The following CDH23 variants were observed in gnomAD, a reference collection of about 807,000 sequenced individuals.
CDH23 encodes the protein cadherin-23.
CDH23 carries 189 observed loss-of-function variants against 317.1 expected under a neutral mutation model. The ratio of observed to expected loss-of-function variants is 0.60; its 90% CI spans 0.53 to 0.67. The LOEUF (loss-of-function observed/expected upper bound fraction) is 0.67. CDH23 is among the 30% of genes least tolerant of loss of function. CDH23 has a pLI of 0.00. For missense variants in CDH23, 4,401 were observed against 4,592.4 expected (o/e 0.96, Z 1.20); for synonymous variants, 1,839 against 1,876.8 (o/e 0.98, Z 0.52).
intron 28 of CDH23, chr10:71,717,994 G>A (rs1459542214): frequency 2.0e-5 from 3 of 152,262 alleles, no homozygotes; most frequent in African/African-American, 7.2e-5. Context: ...AGGTCAGCAT[G>A]TGTGATATTT....
rs542998518 is a variant in CDH23, at chr10:71,807,509, C to T, written c.8309-7C>T. ...CCCCTCACCCTGTGCCATGATCCCA[C>T]CCTCAGCCGGCAACGAAGAGAAGAA... On this transcript the variant is annotated splice_region_variant and splice_polypyrimidine_tract_variant and intron_variant, in intron 58 of 69. Coordinates refer to ENST00000224721, the MANE Select transcript of CDH23 (RefSeq NM_022124.6). 9 of 1,613,574 alleles carry T rather than the reference C, an allele frequency of 5.6e-6. No individual in the cohort carries two copies. In the South Asian group the frequency reaches 9.9e-5, roughly 18 times the overall value.
At chr10:71,806,767 G>A (rs1475595196) in intron 57 of CDH23, among the ~76,000 whole-genome samples, 1 of 152,132 alleles carries the variant, frequency 6.6e-6, no homozygotes, top group Admixed American at 6.5e-5. Flanking sequence ...AGTAGAGACG[G>A]GTTTTTGCCA....
intron 46 of CDH23, chr10:71,790,773 C>T (rs1339856279): frequency 2.2e-6 from 1 of 461,618 alleles, no homozygotes; most frequent in Non-Finnish European, 4.0e-6. Flanking sequence ...CAGACCATGC[C>T]ACATCCGTCT....
chr10:71,556,265 A>G (rs1306817178), intron 6 of CDH23, among the ~76,000 whole-genome samples: 1 of 152,138 alleles, frequency 6.6e-6, no homozygotes, highest in Admixed American at 6.5e-5. Context: ...TGAGTGCTTT[A>G]AGGCAGGGAC....
rs779009042 is a variant in CDH23 at position 71,738,555 on chromosome 10, G to A, written c.4267G>A (p.Asp1423Asn). The change falls in exon 35 of 70, where the codon GAC (aspartate) becomes AAC (asparagine). Residue 1423 changes from aspartate to asparagine, a missense_variant. Around this residue, in one of 3 missense-constraint regions of CDH23, gnomAD observed 3,068 missense variants for 3,203.3 expected, o/e 0.96. Transcript: ENST00000224721. ...DNSPRFDFTSDSAVSIPEDCP... is the reference protein window; with the variant it reads ...DNSPRFDFTSNSAVSIPEDCP... ...CAGCCCCCGGTTTGACTTCACCTCC[G>A]ACTCGGCGGTCAGCATACCCGAGGA... 58 of 1,613,818 alleles carry A rather than the reference G, an allele frequency of 3.6e-5. No individual in the cohort carries two copies. The highest frequency in any genetic ancestry group is 1.8e-4 in the South Asian group (16 of 91,084).
chr10:71,443,911 C>T (rs1375730107), intron 2 of CDH23, among the ~76,000 whole-genome samples: 1 of 152,260 alleles, frequency 6.6e-6, no homozygotes, highest in Non-Finnish European at 1.5e-5. Flanking sequence ...ACCCACGTCC[C>T]GGAGTCTGCC....
At chr10:71,627,005 T>C (rs898381350) in intron 11 of CDH23, among the ~76,000 whole-genome samples, 15 of 152,196 alleles carry the variant, frequency 9.9e-5, no homozygotes, top group South Asian at 8.3e-4. Context: ...CCATCCTGGA[T>C]GTTCTTATTT....
At chr10:71,586,814 A>G (rs989380819) in intron 9 of CDH23, among the ~76,000 whole-genome samples, 2 of 152,234 alleles carry the variant, frequency 1.3e-5, no homozygotes, top group African/African-American at 4.8e-5. Flanking sequence ...CATGTTATAC[A>G]TAGGCTCCTG....
chr10:71,675,796 A>G (rs1252266783), intron 15 of CDH23, among the ~76,000 whole-genome samples: 1 of 151,974 alleles, frequency 6.6e-6, no homozygotes, highest in Non-Finnish European at 1.5e-5. Flanking sequence ...TGCCTAACAC[A>G]TGCCAGCCTT....
chr10:71,807,954 A>G lies in CDH23; in HGVS notation c.8669A>G (p.Tyr2890Cys). 1 of 1,601,298 alleles carries G rather than the reference A, an allele frequency of 6.2e-7. No individual in the cohort carries two copies. Among genetic ancestry groups the G allele is most frequent in the South Asian group, 1.1e-5 (1 of 88,700 alleles). The change falls in exon 60 of 70, where the codon TAC (tyrosine) becomes TGC (cysteine). Residue 2890 changes from tyrosine (Y) to cysteine (C), a missense_variant. By Grantham distance (194) the Tyr-to-Cys change is radical. Coordinates refer to ENST00000224721, the MANE Select transcript of CDH23 (RefSeq NM_022124.6). The part of the protein sequence containing the change: ...LVFYSILAIH[Y>C]FRALANDSED... ...TTCTACAGCATTCTGGCCATCCACT[A>G]CTTCCGGGCCCTTGCCAACGACTCT...
intron 28 of CDH23, among the ~76,000 whole-genome samples, chr10:71,718,489 A>G (rs528887954): frequency 2.8e-4 from 43 of 152,196 alleles, no homozygotes; most frequent in Admixed American, 4.6e-4. Flanking sequence ...CCTAGAGAGC[A>G]CTCTGGCTGG....
intron 11 of CDH23, among the ~76,000 whole-genome samples, chr10:71,623,318 C>T (rs1861557056): frequency 6.6e-6 from 1 of 152,180 alleles, no homozygotes; most frequent in African/African-American, 2.4e-5. Flanking sequence ...GCAGACGCTC[C>T]CCTACAAGGG....
At chr10:71,586,573 C>A (rs1170481264) in intron 9 of CDH23, among the ~76,000 whole-genome samples, 2 of 152,138 alleles carry the variant, frequency 1.3e-5, no homozygotes, top group African/African-American at 4.8e-5. Context: ...TGCCTTACCT[C>A]GCCTTACCCA....
chr10:71,621,552 G>A (rs1011600668), intron 11 of CDH23, among the ~76,000 whole-genome samples: 2 of 152,216 alleles, frequency 1.3e-5, no homozygotes, highest in African/African-American at 2.4e-5. Context: ...AAGTATCAGC[G>A]AGATGGCCCA....
chr10:71,599,664 T>A (rs867143224), intron 9 of CDH23, among the ~76,000 whole-genome samples: 17 of 152,192 alleles, frequency 1.1e-4, no homozygotes, highest in Non-Finnish European at 1.8e-4. Context: ...GTAAAACTTT[T>A]ATGTGTGGTC....
intron 19 of CDH23, among the ~76,000 whole-genome samples, chr10:71,689,641 G>C (rs1865111782): frequency 6.6e-6 from 1 of 152,230 alleles, no homozygotes; most frequent in Non-Finnish European, 1.5e-5. Context: ...GCCCAGTGGA[G>C]CTCCCTGTGG....
chr10:71,665,328 C>T (rs961116099), intron 14 of CDH23, among the ~76,000 whole-genome samples: 31 of 152,200 alleles, frequency 2.0e-4, no homozygotes, highest in African/African-American at 7.2e-4. Flanking sequence ...TCCAAGCCCC[C>T]ACTGCCTCCC....
chr10:71,502,127 C>G (rs1479412615), intron 3 of CDH23, among the ~76,000 whole-genome samples: 1 of 152,182 alleles, frequency 6.6e-6, no homozygotes, highest in Non-Finnish European at 1.5e-5. Context: ...GATAACTAGT[C>G]CCTGCTTCTG....
chr10:71,703,451 A>G (rs367760450), intron 24 of CDH23, among the ~76,000 whole-genome samples: 10 of 152,288 alleles, frequency 6.6e-5, no homozygotes, highest in African/African-American at 2.2e-4. Context: ...TGAAATGGAG[A>G]TAATAATAGT....
Sources: allele counts gnomAD v4.1 joint callset (sites outside exome capture counted in the v4.1 genomes callset), GRCh38; gene constraint gnomAD v4.1.1; regional missense constraint gnomAD v4.1.1; transcripts MANE v1.5; gene names NCBI Gene and HGNC (gene_info 2026-07-23, HGNC 2026-07-21).